Variants in GAR1 observed in about 807,000 individuals in gnomAD.
GAR1 encodes GAR1 ribonucleoprotein.
GAR1 carries 11 observed loss-of-function variants against 29.3 expected under a neutral mutation model. The ratio of observed to expected loss-of-function variants is 0.38; its 90% CI spans 0.24 to 0.62. The LOEUF (loss-of-function observed/expected upper bound fraction) is 0.62, where lower values mean the gene tolerates loss of function less well. Among genes scored for constraint, GAR1 ranks in the 20% least tolerant of loss-of-function variants. GAR1 has a pLI of 0.62. For synonymous variants in GAR1, 87 were observed against 93.3 expected (o/e 0.93, Z 0.39); for missense variants, 237 against 268.4 (o/e 0.88, Z 0.82).
At chr4:109,822,197 G>T in intron 4 of GAR1, 150 bp from the exon 5 acceptor site, 1 of 348,232 alleles carries the variant, frequency 2.9e-6, no homozygotes, top group Non-Finnish European at 5.2e-6. Flanking sequence ...AAGTTAGTAA[G>T]AAATTAAGTC....
intron 4 of GAR1, chr4:109,819,644 C>G (rs1733459018): frequency 6.6e-6 from 1 of 152,444 alleles, no homozygotes; most frequent in African/African-American, 2.4e-5. Context: ...GTTTCCACTT[C>G]TGGAAATTTG....
chr4:109,818,230 T>C lies in GAR1; in HGVS notation c.369+140T>C, dbSNP rs1202148238. 7.9e-6 allele frequency: 5 copies of C among 633,380 alleles called. No individual in the cohort carries two copies. The East Asian group carries it at 8.2e-5, about 10-fold the overall frequency. 39.2% of individuals were successfully genotyped at this position (633,380 alleles called of 1,614,324 possible). A position where few individuals can be genotyped will look rare whatever the true frequency, so the allele number is the denominator to read the frequency against. ...CTACAGATTGGACCATGAAGGAGAA[T>C]CAAGGGGAGAATGTATTCATCCATA... is the stretch of plus-strand genomic sequence containing the variant. On this transcript the variant is annotated intron_variant, in intron 3 of 6. Coordinates refer to ENST00000226796, the MANE Select transcript of GAR1 (RefSeq NM_018983.4).
At chr4:109,820,248 C>T (rs1261832956) in intron 4 of GAR1, among the ~76,000 whole-genome samples, 3 of 152,028 alleles carry the variant, frequency 2.0e-5, no homozygotes, top group African/African-American at 7.2e-5. Context: ...AAAAAATCAC[C>T]ATCTTTCAGA....
At chr4:109,815,657 CT>C (rs11433030), upstream of GAR1, 183 of 159,808 alleles carry the variant, frequency 1.1e-3, 1 homozygote, top group South Asian at 9.7e-3. Flanking sequence ...GGGTGATTGG[CT>C]TTTTTTTTTG....
At chr4:109,818,567 CTTTTT>C in intron 3 of GAR1, among the ~76,000 whole-genome samples, 2 of 123,770 alleles carry the variant, frequency 1.6e-5, no homozygotes, top group East Asian at 4.7e-4. Context: ...TTCTTTTTTC[CTTTTT>C]TTTTTTTTTT....
intron 4 of GAR1, 50 bp downstream of exon 4, chr4:109,819,110 C>T: frequency 1.1e-6 from 1 of 942,904 alleles, no homozygotes; most frequent in East Asian, 2.4e-5. Flanking sequence ...AAGGGAACGA[C>T]CTATCTTAGG....
In GAR1 at chr4:109,816,395, A is replaced by G. The variant is rs769669396; in HGVS notation, c.214+17A>G. The G allele has an allele frequency of 1.9e-6, 3 of 1,606,346 alleles. No individual in the cohort carries two copies. Among genetic ancestry groups the G allele is most frequent in the South Asian group, 1.1e-5 (1 of 90,888 alleles). On this transcript the variant is annotated intron_variant, in intron 2 of 6. Coordinates refer to ENST00000226796, the MANE Select transcript of GAR1 (RefSeq NM_018983.4). Reference sequence around the variant, plus strand: ...GTGTAGTCTGTATGCAGTCTTCAGTATTTAGCTTATTTGAAGGAGTAGGTG... The same window carrying G: ...GTGTAGTCTGTATGCAGTCTTCAGTGTTTAGCTTATTTGAAGGAGTAGGTG...
intron 3 of GAR1, 109 bp from the exon 4 acceptor site, chr4:109,818,892 A>G (rs1733428018): frequency 6.2e-6 from 4 of 644,828 alleles, no homozygotes; most frequent in Admixed American, 2.6e-5. Context: ...TATCTTTCCT[A>G]TATATATCCA....
At chr4:109,818,567 C>CTTTTTTTTT (rs34081446) in intron 3 of GAR1, among the ~76,000 whole-genome samples, 1 of 123,778 alleles carries the variant, frequency 8.1e-6, no homozygotes. Context: ...TTCTTTTTTC[C>CTTTTTTTTT]TTTTTTTTTT....
intron 3 of GAR1, 56 bp from the exon 4 acceptor site, chr4:109,818,945 C>A: frequency 2.6e-6 from 2 of 757,998 alleles, no homozygotes; most frequent in Non-Finnish European, 4.7e-6. Flanking sequence ...GAATTCAGAA[C>A]ATTTGATATC....
chr4:109,822,615 A>G (rs973276534), intron 5 of GAR1, 127 bp downstream of exon 5: 9 of 900,604 alleles, frequency 1.0e-5, no homozygotes, highest in African/African-American at 3.4e-5. Flanking sequence ...CTGCTTTCCA[A>G]TATTGGCAGA....
In GAR1 at chr4:109,819,062, TGA is replaced by T. The variant is rs1303687859; in HGVS notation, c.429+4_429+5del. ...TCATCCTTTAAAAAACTACAGAAGG[TGA>T]GTCAAACTTATGATACTTGGGATCC... On this transcript the variant is annotated splice_donor_region_variant and intron_variant, in intron 4 of 6. Transcript: ENST00000226796. The T allele has an allele frequency of 6.8e-7, 1 of 1,464,226 alleles. No individual in the cohort carries two copies. Among genetic ancestry groups the T allele is most frequent in the Non-Finnish European group, 9.6e-7 (1 of 1,044,038 alleles). 90.7% of individuals were successfully genotyped at this position (1,464,226 alleles called of 1,614,324 possible). A position where few individuals can be genotyped will look rare whatever the true frequency, so the allele number is the denominator to read the frequency against.
chr4:109,818,997 A>T lies in GAR1; in HGVS notation c.370-4A>T, dbSNP rs1733432571. The T allele has an allele frequency of 1.7e-6, 2 of 1,208,342 alleles. No homozygotes were observed. Among genetic ancestry groups the T allele is most frequent in the African/African-American group, 1.5e-5 (1 of 65,902 alleles). 74.9% of individuals were successfully genotyped at this position (1,208,342 alleles called of 1,614,324 possible). ...GCTCATTTGTTCCTTAATGAAAATA[A>T]TAGTATTTTTCAGTTAAGTTGTCAG... On this transcript the variant is annotated splice_polypyrimidine_tract_variant and splice_region_variant and intron_variant, in intron 3 of 6. Transcript: ENST00000226796.
In GAR1 at chr4:109,817,123, A is replaced by T. The variant is rs115181802; in HGVS notation, c.214+745A>T. Among the ~76,000 whole-genome samples, 436 of 152,312 alleles carry T rather than the reference A, an allele frequency of 2.9e-3. 7 individuals are homozygous for T. Among genetic ancestry groups the T allele is most frequent in the African/African-American group, 0.01 (417 of 41,550 alleles). On this transcript the variant is annotated intron_variant, in intron 2 of 6. Coordinates refer to ENST00000226796, the MANE Select transcript of GAR1 (RefSeq NM_018983.4). ...TGGTTTGAAAGGAGCAGTTTCTAGAATAAAAGGTCCCAGCCCACAAGCTGT... is the reference window on the plus strand; with the variant it reads ...TGGTTTGAAAGGAGCAGTTTCTAGATTAAAAGGTCCCAGCCCACAAGCTGT...
Position 109,816,302 on chromosome 4 carries a change from G to A in GAR1, c.138G>A (p.Arg46=). 6.2e-7 allele frequency: 1 copy of A among 1,612,834 alleles called. No homozygotes were observed. The highest frequency in any genetic ancestry group is 8.5e-7 in the Non-Finnish European group (1 of 1,179,624). Residue 46 remains arginine, a synonymous_variant, in exon 2 of 7, where the codon AGG becomes AGA. Coordinates refer to ENST00000226796, the MANE Select transcript of GAR1 (RefSeq NM_018983.4). ...GGGGNFRGGG[R]GGFGRGGGRG... The stretch of plus-strand genomic sequence containing the variant: ...GCGGCAATTTCAGAGGCGGCGGCAG[G>A]GGAGGATTTGGACGAGGGGGTGGCC...
intron 5 of GAR1, among the ~76,000 whole-genome samples, chr4:109,823,687 A>G (rs1296764570): frequency 6.6e-6 from 1 of 152,190 alleles, no homozygotes; most frequent in Non-Finnish European, 1.5e-5. Flanking sequence ...AGACTGAATC[A>G]TACTTTAACA....
chr4:109,824,501 T>G lies in GAR1; in HGVS notation c.*70T>G, dbSNP rs1187235523. 1.8e-6 allele frequency: 2 copies of G among 1,136,512 alleles called. No homozygotes were observed. Among genetic ancestry groups the G allele is most frequent in the African/African-American group, 3.1e-5 (2 of 65,312 alleles). The allele number at this position is 1,136,512 out of a possible 1,614,324, so 70.4% of individuals were successfully genotyped here. A position where few individuals can be genotyped will look rare whatever the true frequency, so the allele number is the denominator to read the frequency against. ...TGCATGATCTGTTTCTACTATGGATTGGAAACTTGTTTCTTGAACAAGTCT... is the reference window on the plus strand; with the variant it reads ...TGCATGATCTGTTTCTACTATGGATGGGAAACTTGTTTCTTGAACAAGTCT... On this transcript the variant is annotated 3_prime_UTR_variant, in exon 7 of 7. Transcript: ENST00000226796.
Position 109,824,537 on chromosome 4 carries a change from G to A in GAR1, c.*106G>A. On this transcript the variant is annotated 3_prime_UTR_variant, in exon 7 of 7. Coordinates refer to ENST00000226796, the MANE Select transcript of GAR1 (RefSeq NM_018983.4). ...TTCTTGAACAAGTCTTGAAGATCTTGGTCATTTTATGACAATGGATCTAAA... is the reference window on the plus strand; with the variant it reads ...TTCTTGAACAAGTCTTGAAGATCTTAGTCATTTTATGACAATGGATCTAAA... 1.2e-6 allele frequency: 1 copy of A among 866,224 alleles called. No homozygotes were observed. Among genetic ancestry groups the A allele is most frequent in the Non-Finnish European group, 1.9e-6 (1 of 513,326 alleles). The allele number at this position is 866,224 out of a possible 1,614,324, so 53.7% of individuals were successfully genotyped here. A position where few individuals can be genotyped will look rare whatever the true frequency, so the allele number is the denominator to read the frequency against.
chr4:109,822,461 G>A lies in GAR1; in HGVS notation c.544G>A (p.Gly182Arg), dbSNP rs1471078299. ...GGGAGGCCGAGGAGGAGGAAGAGGAGGAGGTGGCAGAGGTGGTGGCAGAGG... is the reference window on the plus strand; with the variant it reads ...GGGAGGCCGAGGAGGAGGAAGAGGAAGAGGTGGCAGAGGTGGTGGCAGAGG... Reference protein sequence around the residue: ...GRGGRGGGRGGGGRGGGRGGG... With the variant: ...GRGGRGGGRGRGGRGGGRGGG... The change falls in exon 5 of 7, where the codon GGA becomes AGA. Residue 182 changes from glycine (G) to arginine (R), a missense_variant. Physicochemically the swap from Gly to Arg is moderately radical, Grantham distance 125. Transcript: ENST00000226796. 1.2e-6 allele frequency: 2 copies of A among 1,604,770 alleles called. No individual in the cohort carries two copies. The highest frequency in any genetic ancestry group is 1.7e-6 in the Non-Finnish European group (2 of 1,173,876).
Sources: allele counts gnomAD v4.1 joint callset (sites outside exome capture counted in the v4.1 genomes callset), GRCh38; gene constraint gnomAD v4.1.1; transcripts MANE v1.5; gene names NCBI Gene and HGNC (gene_info 2026-07-23, HGNC 2026-07-21).